The following CRKL variants were observed in gnomAD, a reference collection of about 807,000 sequenced individuals.
The protein encoded by CRKL is crk-like protein.
A neutral mutation model predicts 23.0 loss-of-function variants in CRKL; 3 were observed. The ratio of observed to expected loss-of-function variants is 0.13; its 90% CI spans 0.06 to 0.34. CRKL has a LOEUF of 0.34. CRKL is among the 10% of genes least tolerant of loss of function. CRKL has a pLI of 1.00. For synonymous variants in CRKL, 188 were observed against 160.7 expected (o/e 1.17, Z -1.28); for missense variants, 256 against 394.5 (o/e 0.65, Z 2.97).
At chr22:20,930,238 G>A (rs989747902) in intron 1 of CRKL, among the ~76,000 whole-genome samples, 1 of 152,106 alleles carries the variant, frequency 6.6e-6, no homozygotes, top group Admixed American at 6.6e-5. Flanking sequence ...TTTAGATGGG[G>A]GATCAGCAAA....
At chr22:20,933,623 A>G (rs5752274) in intron 1 of CRKL, among the ~76,000 whole-genome samples, 156 bp from the exon 2 acceptor site, 115,339 of 151,954 alleles carry the variant, frequency 0.76, 44,286 homozygotes, top group South Asian at 0.91. Context: ...AGCTAAGATC[A>G]CGCTATTGCA....
At chr22:20,941,588 A>ATATT (rs1247116681) in intron 2 of CRKL, among the ~76,000 whole-genome samples, 1 of 33,554 alleles carries the variant, frequency 3.0e-5, no homozygotes, top group Non-Finnish European at 5.0e-5. Context: ...GTATATATAT[A>ATATT]TTTTTTTTTT....
At chr22:20,927,522 T>C (rs996449058) in intron 1 of CRKL, among the ~76,000 whole-genome samples, 4 of 151,018 alleles carry the variant, frequency 2.6e-5, no homozygotes, top group Non-Finnish European at 5.9e-5. Flanking sequence ...CCTTTTTTTT[T>C]TTTTTTTTAA....
intron 2 of CRKL, among the ~76,000 whole-genome samples, chr22:20,938,443 G>T (rs979006147): frequency 4.6e-5 from 7 of 152,176 alleles, no homozygotes; most frequent in East Asian, 1.9e-4. Flanking sequence ...TAACGTCACT[G>T]AATAGCTGTA....
At chr22:20,921,718 CT>C (rs935279182) in intron 1 of CRKL, among the ~76,000 whole-genome samples, 142 of 146,998 alleles carry the variant, frequency 9.7e-4, no homozygotes, top group Middle Eastern at 3.6e-3. Flanking sequence ...TTTCTTTTTT[CT>C]TTTTTTTTTT....
chr22:20,924,925 C>T (rs879701052), intron 1 of CRKL, among the ~76,000 whole-genome samples: 3 of 152,152 alleles, frequency 2.0e-5, no homozygotes, highest in African/African-American at 7.2e-5. Context: ...TGTGGTGGCT[C>T]ACGCCTGTAA....
chr22:20,949,729 G>A lies in CRKL; in HGVS notation c.796G>A (p.Val266Ile), dbSNP rs564684352. The A allele has an allele frequency of 6.2e-7, 1 of 1,613,110 alleles. No individual in the cohort carries two copies. Among genetic ancestry groups the A allele is most frequent in the East Asian group, 2.2e-5 (1 of 44,820 alleles). The change falls in exon 3 of 3, where the codon GTC (valine) becomes ATC (isoleucine). Residue 266 changes from valine (V) to isoleucine (I), a missense_variant. This residue lies in a region of CRKL where 129 missense variants were observed against 222.1 expected (regional missense o/e 0.58). Coordinates refer to ENST00000354336, the MANE Select transcript of CRKL (RefSeq NM_005207.4). The stretch of plus-strand genomic sequence containing the variant: ...CATACAGGTTGGTGACATCGTGAAA[G>A]TCACAAGGATGAATATAAATGGCCA... ...LALEVGDIVK[V>I]TRMNINGQWE...
intron 1 of CRKL, among the ~76,000 whole-genome samples, chr22:20,932,817 C>T (rs1249612038): frequency 6.6e-6 from 1 of 152,128 alleles, no homozygotes; most frequent in Non-Finnish European, 1.5e-5. Flanking sequence ...TGGCTCACAC[C>T]TGTAATGACA....
chr22:20,918,462 C>G (rs1159561147), intron 1 of CRKL, among the ~76,000 whole-genome samples: 1 of 151,106 alleles, frequency 6.6e-6, no homozygotes, highest in East Asian at 1.9e-4. Flanking sequence ...GAGGCTGTTT[C>G]TCAATGTGAA....
intron 2 of CRKL, among the ~76,000 whole-genome samples, chr22:20,938,265 A>G (rs1277785557): frequency 6.6e-6 from 1 of 152,074 alleles, no homozygotes; most frequent in African/African-American, 2.4e-5. Context: ...TTTAATCTTG[A>G]TTTTCAAAAG....
At chr22:20,929,486 C>T (rs1484747679) in intron 1 of CRKL, among the ~76,000 whole-genome samples, 2 of 150,868 alleles carry the variant, frequency 1.3e-5, no homozygotes, top group Admixed American at 1.3e-4. Flanking sequence ...TTTTTTGAGA[C>T]GGAATCTCTG....
rs965969131 is a variant in CRKL at position 20,951,532 on chromosome 22, C to T, written c.*1687C>T. The T allele has an allele frequency of 1.8e-5, 4 of 226,346 alleles. No individual in the cohort carries two copies. The highest frequency in any genetic ancestry group is 3.5e-5 in the Non-Finnish European group (4 of 113,846). The allele number at this position is 226,346 out of a possible 1,614,324, so 14.0% of individuals were successfully genotyped here. ...GGAACCCTGTGCAATTCAGTCTGCT[C>T]TCCCTTGTGGACCCTGGTAAAGAAA... On this transcript the variant is annotated 3_prime_UTR_variant, in exon 3 of 3. Coordinates refer to ENST00000354336, the MANE Select transcript of CRKL (RefSeq NM_005207.4).
chr22:20,934,341 G>T lies in CRKL; in HGVS notation c.777+97G>T, dbSNP rs560543946. The T allele has an allele frequency of 3.7e-6, 4 of 1,092,262 alleles. No homozygotes were observed. The African/African-American group carries it at 6.3e-5, about 17-fold the overall frequency. The allele number at this position is 1,092,262 out of a possible 1,614,324, so 67.7% of individuals were successfully genotyped here. A position where few individuals can be genotyped will look rare whatever the true frequency, so the allele number is the denominator to read the frequency against. ...CTGCTCATTTAAGCTTATATTCATG[G>T]AATTAGAGCACTGGATGATTTTGGA... On this transcript the variant is annotated intron_variant, in intron 2 of 2. Coordinates refer to ENST00000354336, the MANE Select transcript of CRKL (RefSeq NM_005207.4).
At position 20,921,540 on chromosome 22, in the gene CRKL, C is replaced by T. The variant is rs1378999205; in HGVS notation, c.311+3295C>T. Among the ~76,000 whole-genome samples the T allele has an allele frequency of 2.8e-4, 10 of 36,218 alleles. No homozygotes were observed. In the East Asian group the frequency reaches 7.5e-3, roughly 27 times the overall value. The allele number at this position is 36,218 out of a possible 152,430, so 23.8% of individuals were successfully genotyped here. A position where few individuals can be genotyped will look rare whatever the true frequency, so the allele number is the denominator to read the frequency against. ...TACAGGAGGGACCTACCTGGGGTGG[C>T]GTGGTCAGAGAAAGCATGAAGCTAA... is the stretch of plus-strand genomic sequence containing the variant. On this transcript the variant is annotated intron_variant, in intron 1 of 2. Coordinates refer to ENST00000354336, the MANE Select transcript of CRKL (RefSeq NM_005207.4).
rs1555918902 is a variant in CRKL, at chr22:20,927,128, A to AAAAAAAAAAAAAAAAAAAAAAAAAG, written c.312-6643_312-6642insAAAAAAAAAAAAAAAAGAAAAAAAA. Among the ~76,000 whole-genome samples, 58 of 125,800 alleles carry AAAAAAAAAAAAAAAAAAAAAAAAAG rather than the reference A, an allele frequency of 4.6e-4. 2 individuals carry two copies. The highest frequency in any genetic ancestry group is 1.5e-3 in the East Asian group (5 of 3,246). The allele number at this position is 125,800 out of a possible 152,430, so 82.5% of individuals were successfully genotyped here. ...CTCCGTCTCAAAAAAAAAAAAAAAA[A>AAAAAAAAAAAAAAAAAAAAAAAAAG]AAAAAAAAGAATGGTGGTTAAAGCA... On this transcript the variant is annotated intron_variant, in intron 1 of 2. Transcript: ENST00000354336.
intron 1 of CRKL, among the ~76,000 whole-genome samples, chr22:20,919,584 C>T (rs899113467): frequency 6.6e-6 from 1 of 152,198 alleles, no homozygotes; most frequent in Non-Finnish European, 1.5e-5. Context: ...CCCTGTAACA[C>T]TGATTTTATC....
intron 2 of CRKL, among the ~76,000 whole-genome samples, chr22:20,935,774 C>T (rs941269630): frequency 1.3e-5 from 2 of 152,016 alleles, no homozygotes; most frequent in Non-Finnish European, 2.9e-5. Flanking sequence ...GACCCACCCA[C>T]CTTAGCCCGC....
intron 1 of CRKL, among the ~76,000 whole-genome samples, chr22:20,929,505 C>T (rs1011181064): frequency 6.6e-6 from 1 of 151,378 alleles, no homozygotes; most frequent in African/African-American, 2.4e-5. Flanking sequence ...TGTCTGTCGC[C>T]CAGGCTGGAG....
At chr22:20,933,030 A>T (rs1921512282) in intron 1 of CRKL, among the ~76,000 whole-genome samples, 1 of 151,888 alleles carries the variant, frequency 6.6e-6, no homozygotes, top group Non-Finnish European at 1.5e-5. Context: ...CAGTGAACTG[A>T]AATTGCGCTA....
Sources: allele counts gnomAD v4.1 joint callset (sites outside exome capture counted in the v4.1 genomes callset), GRCh38; gene constraint gnomAD v4.1.1; regional missense constraint gnomAD v4.1.1; transcripts MANE v1.5; gene names NCBI Gene and HGNC (gene_info 2026-07-23, HGNC 2026-07-21).